RTL4: variants seen among roughly 807,000 people sequenced by gnomAD.
RTL4 encodes retrotransposon Gag-like protein 4.
In RTL4, 4 loss-of-function variants were observed where a neutral mutation model predicts 5.3. The ratio of observed to expected loss-of-function variants is 0.75; its 90% CI spans 0.37 to 1.72. The LOEUF (loss-of-function observed/expected upper bound fraction) is 1.72. Among genes scored for constraint, RTL4 ranks in the 40% most tolerant of loss-of-function variants. The pLI is 0.04. For synonymous variants in RTL4, 98 were observed against 87.3 expected, an observed-to-expected ratio of 1.12 and a Z score of -0.68; for missense variants, 260 against 227.1, an observed-to-expected ratio of 1.14 and a Z score of -0.93.
chrX:112,217,576 A>T, the RTL4 span, among the ~76,000 whole-genome samples: 2 of 111,520 alleles, frequency 1.8e-5, no homozygotes, highest in Middle Eastern at 9.2e-3. Flanking sequence ...GTGGTGGGGG[A>T]GTCATAACAG....
chrX:112,132,554 G>A, the RTL4 span, among the ~76,000 whole-genome samples: 1 of 111,818 alleles, frequency 8.9e-6, no homozygotes, highest in Admixed American at 9.5e-5. Context: ...GACAAGTCTG[G>A]AGTTTCACTG....
At chrX:112,237,629 T>C in the RTL4 span, among the ~76,000 whole-genome samples, 336 of 112,755 alleles carry the variant, frequency 3.0e-3, no homozygotes, top group African/African-American at 9.9e-3. Flanking sequence ...GCTCAATTTT[T>C]AACATGCTAT....
the RTL4 span, among the ~76,000 whole-genome samples, chrX:112,229,138 T>C: frequency 3.6e-5 from 4 of 112,152 alleles, no homozygotes; most frequent in Non-Finnish European, 5.6e-5. Flanking sequence ...TGAGGGATGA[T>C]GTTTTATTAT....
chrX:112,294,512 T>A, the RTL4 span, among the ~76,000 whole-genome samples: 1,430 of 110,868 alleles, frequency 0.013, 18 homozygotes, highest in African/African-American at 0.043. Context: ...CGCAGGAGAA[T>A]CACTAGAACC....
chrX:112,215,826 C>T, the RTL4 span, among the ~76,000 whole-genome samples: 1 of 111,603 alleles, frequency 9.0e-6, no homozygotes, highest in African/African-American at 3.3e-5. Context: ...GATATTGCTG[C>T]ATCATATGGT....
the RTL4 span, among the ~76,000 whole-genome samples, chrX:112,143,215 G>A: frequency 6.3e-5 from 7 of 111,515 alleles, no homozygotes; most frequent in Non-Finnish European, 9.4e-5. Context: ...TTAGGCTGCC[G>A]TAGGATAAGT....
the RTL4 span, among the ~76,000 whole-genome samples, chrX:112,326,777 A>C: frequency 6.3e-5 from 7 of 111,335 alleles, no homozygotes; most frequent in Admixed American, 5.7e-4. Context: ...TTGAAGAGAG[A>C]AGTGGTTCTC....
the RTL4 span, among the ~76,000 whole-genome samples, chrX:112,354,322 C>T: frequency 9.0e-6 from 1 of 111,144 alleles, no homozygotes; most frequent in African/African-American, 3.3e-5. Flanking sequence ...TTAGGTTTCT[C>T]AACATTAAAA....
chrX:112,434,120 C>T, the RTL4 span, among the ~76,000 whole-genome samples: 149 of 104,414 alleles, frequency 1.4e-3, 2 homozygotes, highest in Admixed American at 0.015. Flanking sequence ...TGATGTGCTG[C>T]TGGATTCAGT....
the RTL4 span, among the ~76,000 whole-genome samples, chrX:112,297,985 C>T: frequency 9.0e-6 from 1 of 111,476 alleles, no homozygotes; most frequent in African/African-American, 3.3e-5. Flanking sequence ...GTGCATGAAA[C>T]TGAATAGGTG....
chrX:112,242,973 G>T, the RTL4 span, among the ~76,000 whole-genome samples: 4 of 111,543 alleles, frequency 3.6e-5, no homozygotes, highest in Non-Finnish European at 5.7e-5. Flanking sequence ...CTTTGGTTCT[G>T]TTTACATGAT....
At chrX:112,227,715 T>C in the RTL4 span, among the ~76,000 whole-genome samples, 17 of 111,883 alleles carry the variant, frequency 1.5e-4, no homozygotes, top group Admixed American at 1.6e-3. Flanking sequence ...CATTCGGTAA[T>C]ATCGAGTGAG....
At chrX:112,357,463 T>C in the RTL4 span, among the ~76,000 whole-genome samples, 2 of 111,598 alleles carry the variant, frequency 1.8e-5, no homozygotes, top group Admixed American at 9.6e-5. Flanking sequence ...GAAAAGAAGA[T>C]GTTGGGCAAA....
chrX:112,152,293 T>G, the RTL4 span, among the ~76,000 whole-genome samples: 1 of 112,112 alleles, frequency 8.9e-6, no homozygotes, highest in Non-Finnish European at 1.9e-5. Flanking sequence ...ATTTCATTCT[T>G]GACTCCAGAT....
chrX:112,240,762 G>T, the RTL4 span, among the ~76,000 whole-genome samples: 3 of 110,983 alleles, frequency 2.7e-5, no homozygotes, highest in African/African-American at 9.8e-5. Context: ...TGCCATGTTG[G>T]TTTGCTGCAC....
the RTL4 span, among the ~76,000 whole-genome samples, chrX:112,172,662 G>A: frequency 2.0e-4 from 22 of 110,994 alleles, no homozygotes; most frequent in Non-Finnish European, 3.4e-4. Flanking sequence ...CCTGGGTATA[G>A]ACCCCAAGAA....
At chrX:112,437,743 A>T in the RTL4 span, among the ~76,000 whole-genome samples, 1 of 107,338 alleles carries the variant, frequency 9.3e-6, no homozygotes, top group Non-Finnish European at 1.9e-5. Context: ...CAGATGTAAA[A>T]GAAATACAGT....
chrX:112,374,275 AC>A, the RTL4 span, among the ~76,000 whole-genome samples: 1 of 111,175 alleles, frequency 9.0e-6, no homozygotes, highest in Non-Finnish European at 1.9e-5. Flanking sequence ...GAAAATAACT[AC>A]CCTTGACTCA....
At chrX:112,113,954 G>C in the RTL4 span, among the ~76,000 whole-genome samples, 1 of 111,228 alleles carries the variant, frequency 9.0e-6, no homozygotes, top group African/African-American at 3.3e-5. Flanking sequence ...GAACACCGAG[G>C]TTGCCAGTTT....
Sources: allele counts gnomAD v4.1 joint callset (sites outside exome capture counted in the v4.1 genomes callset), GRCh38; gene constraint gnomAD v4.1.1; transcripts MANE v1.5; gene names NCBI Gene and HGNC (gene_info 2026-07-23, HGNC 2026-07-21).